Variants in IL1RAPL2 observed in about 807,000 individuals in gnomAD.
IL1RAPL2 encodes X-linked interleukin-1 receptor accessory protein-like 2.
IL1RAPL2 carries 3 observed loss-of-function variants against 44.1 expected under a neutral mutation model. The ratio of observed to expected loss-of-function variants is 0.07; its 90% CI spans 0.03 to 0.18. IL1RAPL2 has a LOEUF of 0.18. Among genes scored for constraint, IL1RAPL2 ranks in the 10% least tolerant of loss-of-function variants. The probability of loss-of-function intolerance (pLI) is 1.00; values close to 1 mark genes in which losing one functional copy is unlikely to be tolerated. For synonymous variants in IL1RAPL2, 181 were observed against 178.8 expected (o/e 1.01, Z -0.10); for missense variants, 391 against 496.4 (o/e 0.79, Z 2.02).
At chrX:105,650,190 C>G (rs1220338047) in intron 6 of IL1RAPL2, among the ~76,000 whole-genome samples, 1 of 111,323 alleles carries the variant, frequency 9.0e-6, no homozygotes, top group Non-Finnish European at 1.9e-5. Context: ...CTTTGACCCA[C>G]TGAATGCTAG....
At chrX:105,139,363 G>A (rs1404165018) in intron 2 of IL1RAPL2, among the ~76,000 whole-genome samples, 1 of 111,456 alleles carries the variant, frequency 9.0e-6, no homozygotes, top group Non-Finnish European at 1.9e-5. Flanking sequence ...TGAAAAAGGG[G>A]GGAGAATGTG....
chrX:105,275,623 T>C (rs1219082519), intron 5 of IL1RAPL2, among the ~76,000 whole-genome samples: 1 of 111,973 alleles, frequency 8.9e-6, no homozygotes, highest in African/African-American at 3.2e-5. Context: ...GTGTTTTGAT[T>C]GGGTACAAAT....
rs781954825 is a variant in IL1RAPL2 at position 105,220,167 on chromosome X, G to A, written c.357-13651G>A. ...GTAGCTGTGCCTGCCTGTGGGCAAA[G>A]CGCACTCCCAAGGCCAGGCTGCCCC... is the stretch of plus-strand genomic sequence containing the variant. On this transcript the variant is annotated intron_variant, in intron 3 of 10. Transcript: ENST00000372582. 7.4e-6 allele frequency: 9 copies of A among 1,210,264 alleles called. No individual in the cohort carries two copies. In the South Asian group the frequency reaches 1.6e-4, roughly 21 times the overall value.
chrX:104,768,759 A>G (rs12390211), intron 2 of IL1RAPL2, among the ~76,000 whole-genome samples: 2,904 of 111,341 alleles, frequency 0.026, 92 homozygotes, highest in African/African-American at 0.091. Context: ...GCTAAACTGG[A>G]TTGTTTTCAG....
At chrX:105,264,855 G>T (rs775347106) in intron 4 of IL1RAPL2, among the ~76,000 whole-genome samples, 11 of 111,634 alleles carry the variant, frequency 9.9e-5, no homozygotes, top group Non-Finnish European at 2.1e-4. Context: ...CTAGAGGGAT[G>T]TTGGTGACCT....
At chrX:105,751,162 T>C (rs2038594316) in intron 9 of IL1RAPL2, among the ~76,000 whole-genome samples, 2 of 109,981 alleles carry the variant, frequency 1.8e-5, no homozygotes, top group Admixed American at 9.7e-5. Context: ...TGGTACCAGA[T>C]AGTCGTGGGG....
chrX:104,637,794 G>C (rs1431090646), intron 1 of IL1RAPL2, among the ~76,000 whole-genome samples: 1 of 108,627 alleles, frequency 9.2e-6, no homozygotes, highest in Admixed American at 9.8e-5. Flanking sequence ...GTGTGTGTGT[G>C]TGTGTGTCTG....
At chrX:105,219,188 A>C (rs1018107717) in intron 3 of IL1RAPL2, 2 of 1,210,410 alleles carry the variant, frequency 1.7e-6, no homozygotes, top group Admixed American at 4.3e-5. Context: ...AAGGCCTCCC[A>C]GTCGGAAGGC....
chrX:105,105,402 A>G (rs1417087923), intron 2 of IL1RAPL2, among the ~76,000 whole-genome samples: 1 of 111,804 alleles, frequency 8.9e-6, no homozygotes, highest in African/African-American at 3.2e-5. Flanking sequence ...CAAGGGGGTG[A>G]CAGTCCACAA....
rs544063175 is a variant in IL1RAPL2, at chrX:104,790,733, T to G, written c.82+131738T>G. Among the ~76,000 whole-genome samples, 5 of 112,021 alleles carry G rather than the reference T, an allele frequency of 4.5e-5. No homozygotes were observed. The South Asian group carries it at 1.5e-3, about 34-fold the overall frequency. On this transcript the variant is annotated intron_variant, in intron 2 of 10. Transcript: ENST00000372582. ...TTTCCCCCTCATATCAGAGATAACA[T>G]CTGTTAACATTTTGGTATATCTCCT...
chrX:105,105,509 C>T (rs2032728361), intron 2 of IL1RAPL2, among the ~76,000 whole-genome samples: 1 of 112,595 alleles, frequency 8.9e-6, no homozygotes, highest in African/African-American at 3.2e-5. Flanking sequence ...GAATGCCAGG[C>T]AGACACTGTT....
intron 6 of IL1RAPL2, among the ~76,000 whole-genome samples, chrX:105,640,693 C>A: frequency 1.4e-5 from 1 of 70,154 alleles, no homozygotes; most frequent in East Asian, 4.6e-4. Context: ...TATATATATA[C>A]ACACACATAT....
intron 2 of IL1RAPL2, among the ~76,000 whole-genome samples, chrX:105,171,781 C>G (rs1172555950): frequency 9.0e-6 from 1 of 110,925 alleles, no homozygotes; most frequent in Non-Finnish European, 1.9e-5. Flanking sequence ...TAATCTCTAC[C>G]TCACCTTACC....
chrX:105,058,163 G>A (rs755595385), intron 2 of IL1RAPL2, among the ~76,000 whole-genome samples: 1 of 110,239 alleles, frequency 9.1e-6, no homozygotes, highest in South Asian at 3.9e-4. Flanking sequence ...ATGTTACCCA[G>A]GATGGTCTCG....
chrX:105,473,485 C>A (rs773621952), intron 5 of IL1RAPL2, among the ~76,000 whole-genome samples: 1 of 112,146 alleles, frequency 8.9e-6, no homozygotes, highest in African/African-American at 3.2e-5. Context: ...GTTTACCAAA[C>A]AAATATTCTG....
chrX:104,947,723 T>G (rs2147707370), intron 2 of IL1RAPL2, among the ~76,000 whole-genome samples: 1 of 111,738 alleles, frequency 8.9e-6, no homozygotes, highest in African/African-American at 3.2e-5. Flanking sequence ...GATCAGACAG[T>G]TGTAGATATG....
rs374684437 is a variant in IL1RAPL2 at position 105,225,917 on chromosome X, A to G, written c.357-7901A>G. Among the ~76,000 whole-genome samples the G allele has an allele frequency of 3.4e-4, 38 of 110,928 alleles. No individual in the cohort carries two copies. In the East Asian group the frequency reaches 6.8e-3, roughly 20 times the overall value. ...GGTCTTGAACTCCTGACCTCAGGTG[A>G]TCTGCCTGCCTCGGCCTCCCAAAGT... On this transcript the variant is annotated intron_variant, in intron 3 of 10. Coordinates refer to ENST00000372582, the MANE Select transcript of IL1RAPL2 (RefSeq NM_017416.2).
At chrX:105,064,081 A>G (rs1259903159) in intron 2 of IL1RAPL2, among the ~76,000 whole-genome samples, 1 of 112,215 alleles carries the variant, frequency 8.9e-6, no homozygotes, top group African/African-American at 3.2e-5. Flanking sequence ...CCAGGGCTCT[A>G]CAATCACCAG....
chrX:104,646,343 A>G (rs933331452), intron 1 of IL1RAPL2, among the ~76,000 whole-genome samples: 4 of 110,128 alleles, frequency 3.6e-5, no homozygotes, highest in African/African-American at 1.3e-4. Flanking sequence ...AAAAAAAAAA[A>G]AAAGCATAGC....
Sources: gnomAD v4.1 joint callset for allele counts (sites outside exome capture counted in the v4.1 genomes callset) on GRCh38, gnomAD v4.1.1 for gene constraint, MANE v1.5 for transcripts, NCBI Gene and HGNC (gene_info 2026-07-23, HGNC 2026-07-21) for gene names.